The following MYO5A variants were observed in gnomAD, a reference collection of about 807,000 sequenced individuals.
The protein encoded by MYO5A is unconventional myosin-Va.
A neutral mutation model predicts 249.7 loss-of-function variants in MYO5A; 98 were observed. The ratio of observed to expected loss-of-function variants is 0.39; its 90% CI spans 0.33 to 0.46. MYO5A has a LOEUF of 0.46. Ranked by LOEUF, MYO5A falls within the 20% of genes least tolerant of loss-of-function variation. MYO5A has a pLI of 0.98. For synonymous variants in MYO5A, 778 were observed against 810.6 expected, an observed-to-expected ratio of 0.96 and a Z score of 0.68; for missense variants, 1,696 against 2,308.8, an observed-to-expected ratio of 0.73 and a Z score of 5.44.
chr15:52,494,482 T>C (rs1342173438), intron 1 of MYO5A, among the ~76,000 whole-genome samples: 2 of 152,132 alleles, frequency 1.3e-5, no homozygotes, highest in Non-Finnish European at 2.9e-5. Context: ...AAAGATCTAA[T>C]GTTATTTCTT....
intron 1 of MYO5A, among the ~76,000 whole-genome samples, chr15:52,448,046 T>A (rs1781444949): frequency 6.6e-6 from 1 of 152,222 alleles, no homozygotes; most frequent in South Asian, 2.1e-4. Context: ...AGATGGCTAC[T>A]GTCCTCCAGA....
At chr15:52,444,731 G>A (rs964423825) in intron 1 of MYO5A, among the ~76,000 whole-genome samples, 1 of 152,076 alleles carries the variant, frequency 6.6e-6, no homozygotes, top group Non-Finnish European at 1.5e-5. Flanking sequence ...GTATTAAATG[G>A]AAGTCATATT....
chr15:52,408,010 A>G (rs368480601), intron 7 of MYO5A, 49 bp downstream of exon 7: 3 of 1,220,202 alleles, frequency 2.5e-6, no homozygotes, highest in African/African-American at 3.0e-5. Context: ...GAACTTGGAA[A>G]TTAACAGAAA....
chr15:52,353,824 G>A (rs780270715), intron 26 of MYO5A, 47 bp downstream of exon 26: 1 of 1,610,668 alleles, frequency 6.2e-7, no homozygotes, highest in Non-Finnish European at 8.5e-7. Flanking sequence ...CTGCTGAAAT[G>A]GACATAAAGC....
At chr15:52,370,545 ATAC>A in intron 21 of MYO5A, 128 bp from the exon 22 acceptor site, 1 of 942,878 alleles carries the variant, frequency 1.1e-6, no homozygotes, top group Non-Finnish European at 1.6e-6. Flanking sequence ...TCCAACCAAA[ATAC>A]TACAACATTT....
chr15:52,512,103 C>A (rs2077402363), intron 1 of MYO5A, among the ~76,000 whole-genome samples: 2 of 147,852 alleles, frequency 1.4e-5, no homozygotes, highest in African/African-American at 2.5e-5. Flanking sequence ...GTGGAGCTTG[C>A]AGTGAGCCGA....
intron 2 of MYO5A, among the ~76,000 whole-genome samples, chr15:52,431,147 A>T (rs2075523147): frequency 1.4e-5 from 2 of 144,310 alleles, no homozygotes; most frequent in Non-Finnish European, 3.0e-5. Context: ...CACAAGAATC[A>T]TTTGAACCCG....
chr15:52,352,061 C>A (rs184422221), intron 27 of MYO5A, among the ~76,000 whole-genome samples: 6 of 152,348 alleles, frequency 3.9e-5, no homozygotes, highest in African/African-American at 1.4e-4. Context: ...ATTTTTCAAA[C>A]TTCTTTTCTG....
At chr15:52,491,724 C>A (rs1176535486) in intron 1 of MYO5A, among the ~76,000 whole-genome samples, 1 of 152,168 alleles carries the variant, frequency 6.6e-6, no homozygotes, top group Non-Finnish European at 1.5e-5. Flanking sequence ...GAAATTAAGG[C>A]ATATCCTCAG....
intron 1 of MYO5A, among the ~76,000 whole-genome samples, chr15:52,452,632 C>T (rs369302215): frequency 3.9e-5 from 6 of 152,016 alleles, no homozygotes; most frequent in African/African-American, 1.5e-4. Context: ...CCAGCCTTTC[C>T]ACACTGACAG....
At chr15:52,400,473 G>A (rs2042700837) in intron 9 of MYO5A, among the ~76,000 whole-genome samples, 1 of 152,058 alleles carries the variant, frequency 6.6e-6, no homozygotes, top group South Asian at 2.1e-4. Context: ...TCCCTTTGTT[G>A]GCCTAACAGT....
chr15:52,513,941 A>C (rs185966537), intron 1 of MYO5A, among the ~76,000 whole-genome samples: 27 of 152,368 alleles, frequency 1.8e-4, no homozygotes, highest in African/African-American at 6.0e-4. Context: ...CAAGAGACTA[A>C]GGAAAGTCAT....
intron 9 of MYO5A, among the ~76,000 whole-genome samples, chr15:52,403,668 T>C (rs1485938559): frequency 1.3e-5 from 2 of 152,232 alleles, no homozygotes; most frequent in Non-Finnish European, 2.9e-5. Flanking sequence ...AGCCACTTAA[T>C]GGTACACTTT....
intron 1 of MYO5A, chr15:52,505,995 C>T: frequency 2.6e-6 from 2 of 764,758 alleles, no homozygotes; most frequent in South Asian, 2.0e-5. Flanking sequence ...GGGCAGATAT[C>T]TTGAGGTCAG....
chr15:52,423,379 C>T (rs1271075644), intron 4 of MYO5A, among the ~76,000 whole-genome samples: 1 of 151,864 alleles, frequency 6.6e-6, no homozygotes, highest in Non-Finnish European at 1.5e-5. Context: ...AGTGAAACCC[C>T]GTCTCCACTA....
chr15:52,528,820 C>T lies in MYO5A; in HGVS notation c.-14G>A. The T allele has an allele frequency of 1.3e-6, 2 of 1,486,274 alleles. No homozygotes were observed. Among genetic ancestry groups the T allele is most frequent in the Non-Finnish European group, 1.8e-6 (2 of 1,124,128 alleles). The allele number at this position is 1,486,274 out of a possible 1,614,324, so 92.1% of individuals were successfully genotyped here. ...CGACGCAGCCATGGCGGGCCCCGCG[C>T]GCCTACGCCCCCCGCCTGTGCGGAG... On this transcript the variant is annotated 5_prime_UTR_variant, in exon 1 of 42. Coordinates refer to ENST00000399233, the MANE Select transcript of MYO5A (RefSeq NM_001382347.1).
chr15:52,473,607 A>G (rs1270146171), intron 1 of MYO5A, among the ~76,000 whole-genome samples: 1 of 152,190 alleles, frequency 6.6e-6, no homozygotes, highest in Non-Finnish European at 1.5e-5. Context: ...TCAGCTTTCT[A>G]CATATGGCTA....
At chr15:52,413,570 T>C (rs1431577270) in intron 5 of MYO5A, among the ~76,000 whole-genome samples, 1 of 152,158 alleles carries the variant, frequency 6.6e-6, no homozygotes, top group African/African-American at 2.4e-5. Context: ...GACGCCGATA[T>C]GCCTTTCCTG....
At chr15:52,412,890 G>C (rs896961807) in intron 5 of MYO5A, among the ~76,000 whole-genome samples, 4 of 152,180 alleles carry the variant, frequency 2.6e-5, no homozygotes, top group African/African-American at 7.2e-5. Context: ...GCTCATGCCT[G>C]TAATCCCAGC....
Sources: gnomAD v4.1 joint callset for allele counts (sites outside exome capture counted in the v4.1 genomes callset) on GRCh38, gnomAD v4.1.1 for gene constraint, MANE v1.5 for transcripts, NCBI Gene and HGNC (gene_info 2026-07-23, HGNC 2026-07-21) for gene names.